FBXO21: variants seen among roughly 807,000 people sequenced by gnomAD.
FBXO21 encodes the protein F-box protein 21.
In FBXO21, 32 loss-of-function variants were observed where a neutral mutation model predicts 76.6. The ratio of observed to expected loss-of-function variants is 0.42; its 90% CI spans 0.32 to 0.56. FBXO21 has a LOEUF of 0.56. Ranked by LOEUF, FBXO21 falls within the 20% of genes least tolerant of loss-of-function variation. The pLI, the probability that FBXO21 is intolerant of heterozygous loss-of-function variation, is 0.16. For synonymous variants in FBXO21, 328 were observed against 311.5 expected (o/e 1.05, Z -0.56); for missense variants, 586 against 797.3 (o/e 0.73, Z 3.19).
At chr12:117,150,476 A>G (rs1955824738) in intron 11 of FBXO21, among the ~76,000 whole-genome samples, 1 of 152,236 alleles carries the variant, frequency 6.6e-6, no homozygotes, top group Non-Finnish European at 1.5e-5. Flanking sequence ...ATAGGCAGCT[A>G]GATACCCTAA....
rs1955751817 is a variant in FBXO21 at position 117,144,961 on chromosome 12, A to G, written c.*1126T>C. ...TTTCACACAAGTCCAACACTCTTCA[A>G]ATGAAAGACATTCTCTCTCTTTCTA... On this transcript the variant is annotated 3_prime_UTR_variant, in exon 12 of 12. Transcript: ENST00000622495. 6.6e-6 allele frequency: 1 copy of G among 152,202 alleles called. No individual in the cohort carries two copies. The highest frequency in any genetic ancestry group is 2.1e-4 in the South Asian group (1 of 4,826). 9.4% of individuals were successfully genotyped at this position (152,202 alleles called of 1,614,324 possible). A position where few individuals can be genotyped will look rare whatever the true frequency, so the allele number is the denominator to read the frequency against.
At chr12:117,189,481 C>A in intron 1 of FBXO21, 119 bp from the exon 2 acceptor site, 2 of 1,022,590 alleles carry the variant, frequency 2.0e-6, no homozygotes, top group Non-Finnish European at 2.9e-6. Context: ...GGGACCCCGG[C>A]GAGAGACCTA....
chr12:117,165,523 C>T lies in FBXO21; in HGVS notation c.1288G>A (p.Ala430Thr). Residue 430 changes from alanine to threonine, a missense_variant, in exon 9 of 12, where the codon GCC (alanine) becomes ACC (threonine). Physicochemically the swap from Ala to Thr is moderately conservative, Grantham distance 58. Coordinates refer to ENST00000622495, the MANE Select transcript of FBXO21 (RefSeq NM_015002.3). ...ATTCCCAGGTGGAAGTAAAGCCTGGCTTGGAGGAGGAGAAGCTGCACCTGG... is the reference window on the plus strand; with the variant it reads ...ATTCCCAGGTGGAAGTAAAGCCTGGTTTGGAGGAGGAGAAGCTGCACCTGG... Reference protein sequence around the residue: ...PDQVQLLLLQARLYFHLGIWP... With the variant: ...PDQVQLLLLQTRLYFHLGIWP... 1.2e-6 allele frequency: 2 copies of T among 1,613,856 alleles called. No individual in the cohort carries two copies. Among genetic ancestry groups the T allele is most frequent in the Non-Finnish European group, 1.7e-6 (2 of 1,179,884 alleles).
At chr12:117,172,095 A>C (rs769606566) in intron 7 of FBXO21, among the ~76,000 whole-genome samples, 8 of 152,128 alleles carry the variant, frequency 5.3e-5, no homozygotes, top group Non-Finnish European at 1.0e-4. Flanking sequence ...TTTTTTAAGA[A>C]CTCTTTGATC....
At position 117,186,441 on chromosome 12, in the gene FBXO21, T is replaced by C. The variant is rs1364722068; in HGVS notation, c.470+36A>G. On this transcript the variant is annotated intron_variant, in intron 3 of 11. Coordinates refer to ENST00000622495, the MANE Select transcript of FBXO21 (RefSeq NM_015002.3). Reference sequence around the variant, plus strand: ...TTACAGCAATTTACTCTGGACTTATTAAAGCAAACAAATCCCTGCTAAAGC... The same window carrying C: ...TTACAGCAATTTACTCTGGACTTATCAAAGCAAACAAATCCCTGCTAAAGC... 2.1e-6 allele frequency: 3 copies of C among 1,403,982 alleles called. No homozygotes were observed. In the South Asian group the frequency reaches 3.5e-5, roughly 16 times the overall value. 87.0% of individuals were successfully genotyped at this position (1,403,982 alleles called of 1,614,324 possible).
intron 11 of FBXO21, among the ~76,000 whole-genome samples, chr12:117,149,010 C>T (rs1442335604): frequency 6.6e-6 from 1 of 152,118 alleles, no homozygotes; most frequent in Non-Finnish European, 1.5e-5. Flanking sequence ...GCTAAGATGC[C>T]CTTTCCTGTC....
chr12:117,156,287 T>C (rs1565997062), intron 10 of FBXO21, among the ~76,000 whole-genome samples: 1 of 152,150 alleles, frequency 6.6e-6, no homozygotes, highest in Non-Finnish European at 1.5e-5. Context: ...ATAGAAAGTA[T>C]CTTCATGACT....
chr12:117,150,700 G>A (rs1955827137), intron 11 of FBXO21, among the ~76,000 whole-genome samples: 1 of 152,232 alleles, frequency 6.6e-6, no homozygotes, highest in Non-Finnish European at 1.5e-5. Flanking sequence ...GAGGGATCGA[G>A]GTGGAACTGC....
At position 117,146,358 on chromosome 12, in the gene FBXO21, C is replaced by A. The variant is rs561757469; in HGVS notation, c.1676-81G>T. On this transcript the variant is annotated intron_variant, in intron 11 of 11. Transcript: ENST00000622495. The stretch of plus-strand genomic sequence containing the variant: ...CTTTCATCCAGAGAACCTCCCATCA[C>A]CCCTTCCAGGTGGCATTTTTGGGGT... 6.5e-5 allele frequency: 82 copies of A among 1,269,522 alleles called. No individual in the cohort carries two copies. The African/African-American group carries it at 1.1e-3, about 18-fold the overall frequency. The allele number at this position is 1,269,522 out of a possible 1,614,324, so 78.6% of individuals were successfully genotyped here.
chr12:117,181,599 G>GAGTCTATCTATCTA (rs1555242787), intron 3 of FBXO21, among the ~76,000 whole-genome samples: 408 of 145,652 alleles, frequency 2.8e-3, no homozygotes, highest in Admixed American at 5.0e-3. Context: ...ATCTGAGACA[G>GAGTCTATCTATCTA]TCTATCTATC....
At chr12:117,153,117 AG>A (rs1322321011) in intron 11 of FBXO21, among the ~76,000 whole-genome samples, 1 of 152,066 alleles carries the variant, frequency 6.6e-6, no homozygotes, top group Non-Finnish European at 1.5e-5. Context: ...GGGACACGCT[AG>A]GAAGATCCTC....
intron 11 of FBXO21, among the ~76,000 whole-genome samples, chr12:117,147,656 C>T (rs1402451719): frequency 3.3e-5 from 5 of 151,510 alleles, no homozygotes; most frequent in Non-Finnish European, 5.9e-5. Flanking sequence ...GGCTTGGTTT[C>T]CCACTTCCCC....
At chr12:117,178,982 C>T (rs963025897) in intron 3 of FBXO21, among the ~76,000 whole-genome samples, 1 of 152,112 alleles carries the variant, frequency 6.6e-6, no homozygotes, top group African/African-American at 2.4e-5. Context: ...TTCCATAACA[C>T]TTGTTGAGTG....
Position 117,157,967 on chromosome 12 carries a change from T to G in FBXO21, c.1423A>C (p.Lys475Gln). The G allele has an allele frequency of 6.2e-7, 1 of 1,614,214 alleles. No homozygotes were observed. The highest frequency in any genetic ancestry group is 8.5e-7 in the Non-Finnish European group (1 of 1,180,026). ...ACCTCTACGCCCACCTCCTCCTTTT[T>G]GCGCTCAATGTGCTCTAGAGTGTGC... ...VQHTLEHIERKKEEVGVEVKL... is the reference protein window; with the variant it reads ...VQHTLEHIERQKEEVGVEVKL... Residue 475 changes from lysine (K) to glutamine (Q), a missense_variant, in exon 10 of 12, where the codon AAA becomes CAA. By Grantham distance (53) the Lys-to-Gln change is moderately conservative. Around this residue, in one of 6 missense-constraint regions of FBXO21, gnomAD observed 164 missense variants for 236.7 expected, o/e 0.69. Coordinates refer to ENST00000622495, the MANE Select transcript of FBXO21 (RefSeq NM_015002.3).
At chr12:117,188,441 A>C (rs192058786) in intron 2 of FBXO21, among the ~76,000 whole-genome samples, 1 of 152,244 alleles carries the variant, frequency 6.6e-6, no homozygotes, top group East Asian at 1.9e-4. Flanking sequence ...GCTACTCGGG[A>C]GGCTGAGACA....
chr12:117,156,080 C>T lies in FBXO21; in HGVS notation c.1518-132G>A, dbSNP rs75372430. 479 of 732,494 alleles carry T rather than the reference C, an allele frequency of 6.5e-4. 3 individuals carry two copies. In the African/African-American group the frequency reaches 7.7e-3, roughly 12 times the overall value. The allele number at this position is 732,494 out of a possible 1,614,324, so 45.4% of individuals were successfully genotyped here. On this transcript the variant is annotated intron_variant, in intron 10 of 11. Transcript: ENST00000622495. ...ACGGTGAATCATTTTTCAGGACACC[C>T]CTAACCCCTTTTATAAACACCTCTT... is the stretch of plus-strand genomic sequence containing the variant.
rs1276339087 is a variant in FBXO21 at position 117,159,998 on chromosome 12, T to C, written c.1327-1935A>G. On this transcript the variant is annotated intron_variant, in intron 9 of 11. Transcript: ENST00000622495. ...GCACCATGCCGTCCCCACCAAATAC[T>C]CTAGGGCTAGAATGCCGCAAGATCA... Among the ~76,000 whole-genome samples the C allele has an allele frequency of 2.0e-5, 3 of 152,280 alleles. No homozygotes were observed. In the South Asian group the frequency reaches 6.2e-4, roughly 32 times the overall value.
chr12:117,185,058 T>A (rs887633505), intron 3 of FBXO21, among the ~76,000 whole-genome samples: 1 of 151,968 alleles, frequency 6.6e-6, no homozygotes, highest in Non-Finnish European at 1.5e-5. Flanking sequence ...ACAGCATAAA[T>A]AAGAGAAAAA....
intron 2 of FBXO21, 131 bp from the exon 3 acceptor site, chr12:117,186,702 C>T: frequency 1.7e-6 from 1 of 586,436 alleles, no homozygotes; most frequent in Non-Finnish European, 3.0e-6. Context: ...CACTACCTTG[C>T]ACTACCAGTC....
Sources: gnomAD v4.1 joint callset for allele counts (sites outside exome capture counted in the v4.1 genomes callset) on GRCh38, gnomAD v4.1.1 for gene constraint, gnomAD v4.1.1 regional missense constraint, MANE v1.5 for transcripts, NCBI Gene and HGNC (gene_info 2026-07-23, HGNC 2026-07-21) for gene names.